The following AGAP1 variants were observed in gnomAD, a reference collection of about 807,000 sequenced individuals.
The protein encoded by AGAP1 is ArfGAP with GTPase domain, ankyrin repeat and PH domain 1.
Under a neutral mutation model 105.3 loss-of-function variants are expected in AGAP1, and 29 were observed. The observed-to-expected ratio is 0.28, with a 90% CI of 0.21 to 0.38. AGAP1 has a LOEUF of 0.38. AGAP1 is among the 10% of genes least tolerant of loss of function. The pLI is 1.00. For missense variants in AGAP1, 998 were observed against 1,165.1 expected, an observed-to-expected ratio of 0.86 and a Z score of 2.09; for synonymous variants, 509 against 485.9, an observed-to-expected ratio of 1.05 and a Z score of -0.63.
In AGAP1 at chr2:236,104,440, C is replaced by T. The variant is rs905135481; in HGVS notation, c.2115-15752C>T. ...TCCCCAACAGGGGTGGATCCTGCCC[C>T]TCGACCAGCACCTGTGCTGTCTGCC... On this transcript the variant is annotated intron_variant, in intron 16 of 17. Transcript: ENST00000304032. The surrounding 1 kb of genome is among the most constrained non-coding windows in gnomAD (Gnocchi z 4.7). 1.3e-5 allele frequency among the ~76,000 whole-genome samples: 2 copies of T among 152,374 alleles called. No homozygotes were observed. The highest frequency in any genetic ancestry group is 1.9e-4 in the East Asian group (1 of 5,172).
chr2:235,615,405 C>G lies in AGAP1; in HGVS notation c.164-93774C>G, dbSNP rs538608724. Among the ~76,000 whole-genome samples the G allele has an allele frequency of 2.4e-4, 36 of 152,272 alleles. No individual in the cohort carries two copies. The highest frequency in any genetic ancestry group is 8.7e-4 in the African/African-American group (36 of 41,554). On this transcript the variant is annotated intron_variant, in intron 1 of 17. Coordinates refer to ENST00000304032, the MANE Select transcript of AGAP1 (RefSeq NM_001037131.3). This position sits in a 1 kb window ranked among gnomAD's most constrained non-coding sequence, Gnocchi z 5.0. ...CATATGACCAAAAGTTGGAATGATC[C>G]CATTCTTTACTCACAGCCTGAGCTA...
At chr2:236,091,034 G>A (rs757930528) in intron 16 of AGAP1, among the ~76,000 whole-genome samples, 28 of 152,332 alleles carry the variant, frequency 1.8e-4, no homozygotes, top group Middle Eastern at 3.4e-3. Context: ...CCACCGCACC[G>A]GCCGTAATCG....
chr2:235,775,436 G>A (rs373111698), intron 6 of AGAP1, among the ~76,000 whole-genome samples: 3 of 152,284 alleles, frequency 2.0e-5, no homozygotes, highest in East Asian at 1.9e-4. Context: ...TTTCCAGGAC[G>A]AGTTACCATA....
At chr2:236,069,285 G>A (rs571218815) in intron 16 of AGAP1, among the ~76,000 whole-genome samples, 9 of 151,994 alleles carry the variant, frequency 5.9e-5, no homozygotes, top group Non-Finnish European at 8.8e-5. Flanking sequence ...ATATACATAC[G>A]TTATGATGTA....
Position 235,655,973 on chromosome 2 carries a change from A to G in AGAP1, c.164-53206A>G, listed in dbSNP as rs139651143. Among the ~76,000 whole-genome samples the G allele has an allele frequency of 2.8e-3, 432 of 152,320 alleles. 1 individual carries two copies. The highest frequency in any genetic ancestry group is 1.0e-2 in the African/African-American group (414 of 41,568). On this transcript the variant is annotated intron_variant, in intron 1 of 17. Coordinates refer to ENST00000304032, the MANE Select transcript of AGAP1 (RefSeq NM_001037131.3). This position sits in a 1 kb window ranked among gnomAD's most constrained non-coding sequence, Gnocchi z 4.3. ...GCTCCGATACTTCCAATAAGTAACT[A>G]GCAGGGCTGTACACACTCTACCAGG...
In AGAP1 at chr2:236,005,095, C is replaced by G. The variant is rs1268021137; in HGVS notation, c.1646-31466C>G. The stretch of plus-strand genomic sequence containing the variant: ...TAGGTTATTCCCATAGGCTTCCCAC[C>G]ACTTCCCCCTGACAAGTTTCCCATG... On this transcript the variant is annotated intron_variant, in intron 13 of 17. Coordinates refer to ENST00000304032, the MANE Select transcript of AGAP1 (RefSeq NM_001037131.3). The surrounding 1 kb of genome is among the most constrained non-coding windows in gnomAD (Gnocchi z 4.1). Among the ~76,000 whole-genome samples the G allele has an allele frequency of 1.3e-5, 2 of 151,936 alleles. No homozygotes were observed. Among genetic ancestry groups the G allele is most frequent in the African/African-American group, 4.8e-5 (2 of 41,346 alleles).
Position 235,993,366 on chromosome 2 carries a change from G to A in AGAP1, c.1645+24743G>A, listed in dbSNP as rs2055656133. On this transcript the variant is annotated intron_variant, in intron 13 of 17. Coordinates refer to ENST00000304032, the MANE Select transcript of AGAP1 (RefSeq NM_001037131.3). This position sits in a 1 kb window ranked among gnomAD's most constrained non-coding sequence, Gnocchi z 5.0. ...CCCTTCGACTAGGCTGGAAGCCCAA[G>A]AAGGCAGGAGACTCGTCTCAGATAT... 6.6e-6 allele frequency among the ~76,000 whole-genome samples: 1 copy of A among 152,212 alleles called. No homozygotes were observed. The highest frequency in any genetic ancestry group is 2.1e-4 in the South Asian group (1 of 4,828).
At chr2:235,937,398 G>C (rs4663220) in intron 12 of AGAP1, among the ~76,000 whole-genome samples, 3 of 151,992 alleles carry the variant, frequency 2.0e-5, no homozygotes, top group Non-Finnish European at 4.4e-5. Flanking sequence ...TCAGAATGTT[G>C]TAACTTTGTA....
rs1049404863 is a variant in AGAP1, at chr2:235,555,252, ATGCACAGAACC to A, written c.163+60407_163+60417del. ...CTTGCCGCTCCCACCCACTTCTGTG[ATGCACAGAACC>A]TGCCGCCCTGCCCTGTCTCTTTGTG... On this transcript the variant is annotated intron_variant, in intron 1 of 17. Coordinates refer to ENST00000304032, the MANE Select transcript of AGAP1 (RefSeq NM_001037131.3). The surrounding 1 kb of genome is among the most constrained non-coding windows in gnomAD (Gnocchi z 5.1). 6.6e-5 allele frequency among the ~76,000 whole-genome samples: 10 copies of A among 152,220 alleles called. No homozygotes were observed. The highest frequency in any genetic ancestry group is 8.8e-5 in the Non-Finnish European group (6 of 68,018).
chr2:235,855,379 T>A lies in AGAP1; in HGVS notation c.1051-27966T>A, dbSNP rs944631556. 2.0e-5 allele frequency among the ~76,000 whole-genome samples: 3 copies of A among 152,254 alleles called. No individual in the cohort carries two copies. The highest frequency in any genetic ancestry group is 7.2e-5 in the African/African-American group (3 of 41,474). On this transcript the variant is annotated intron_variant, in intron 9 of 17. Coordinates refer to ENST00000304032, the MANE Select transcript of AGAP1 (RefSeq NM_001037131.3). This position sits in a 1 kb window ranked among gnomAD's most constrained non-coding sequence, Gnocchi z 5.0. The stretch of plus-strand genomic sequence containing the variant: ...CAAAGCTAAAAGTCAACTGAAATTC[T>A]AAGCTCTCTTTGCTATACTACATTT...
At chr2:235,808,889 T>G (rs982585148) in intron 9 of AGAP1, among the ~76,000 whole-genome samples, 2 of 152,216 alleles carry the variant, frequency 1.3e-5, no homozygotes, top group African/African-American at 2.4e-5. Flanking sequence ...ACATAGTTGC[T>G]TATTCTTTCT....
intron 1 of AGAP1, among the ~76,000 whole-genome samples, chr2:235,648,746 G>T (rs920295284): frequency 6.6e-6 from 1 of 150,860 alleles, no homozygotes; most frequent in African/African-American, 2.4e-5. Context: ...CATTAGCTGG[G>T]CATGGTGGCA....
At position 235,807,242 on chromosome 2, in the gene AGAP1, C is replaced by G. The variant is rs769367969; in HGVS notation, c.961C>G (p.Arg321Gly). The G allele has an allele frequency of 1.2e-6, 2 of 1,610,564 alleles. No individual in the cohort carries two copies. The highest frequency in any genetic ancestry group is 1.3e-5 in the African/African-American group (1 of 74,462). ...CAACTTTCCTTTTGCTTTGCAGTCT[C>G]GGAAAGGGAGCGACCCAGACAAAGA... ...SKRRSNLFTS[R>G]KGSDPDKEKK... The change falls in exon 9 of 18, where the codon CGG becomes GGG. Residue 321 changes from arginine (R) to glycine (G), a missense_variant. By Grantham distance (125) the Arg-to-Gly change is moderately radical. Transcript: ENST00000304032.
At chr2:236,028,596 T>G (rs1467734595) in intron 13 of AGAP1, among the ~76,000 whole-genome samples, 1 of 152,224 alleles carries the variant, frequency 6.6e-6, no homozygotes, top group Non-Finnish European at 1.5e-5. Context: ...CCAACTGCTG[T>G]TATGATTTTT....
intron 1 of AGAP1, among the ~76,000 whole-genome samples, chr2:235,674,082 A>C (rs571275439): frequency 6.6e-6 from 1 of 152,320 alleles, no homozygotes; most frequent in Admixed American, 6.5e-5. Context: ...TGGAGCACCT[A>C]CCTTTTGTAG....
intron 1 of AGAP1, among the ~76,000 whole-genome samples, chr2:235,581,731 G>A (rs1944940518): frequency 6.6e-6 from 1 of 152,108 alleles, no homozygotes; most frequent in Non-Finnish European, 1.5e-5. Flanking sequence ...CTTGAACCCG[G>A]AAAGTGGAGG....
At chr2:236,100,288 G>GA (rs775688694) in intron 16 of AGAP1, among the ~76,000 whole-genome samples, 81 of 152,274 alleles carry the variant, frequency 5.3e-4, no homozygotes, top group Non-Finnish European at 1.1e-3. Flanking sequence ...GTCGATGGTA[G>GA]AAAATAAAAC....
At chr2:235,847,010 G>T (rs1186002302) in intron 9 of AGAP1, among the ~76,000 whole-genome samples, 2 of 152,330 alleles carry the variant, frequency 1.3e-5, no homozygotes, top group East Asian at 3.9e-4. Flanking sequence ...TGCTTGACAT[G>T]TCCCAGGTTC....
At chr2:235,805,255 A>T (rs1444110768) in intron 8 of AGAP1, among the ~76,000 whole-genome samples, 1 of 152,038 alleles carries the variant, frequency 6.6e-6, no homozygotes, top group African/African-American at 2.4e-5. Flanking sequence ...TTTATCTCAG[A>T]GTGTGTGATC....
Sources: allele counts gnomAD v4.1 joint callset (sites outside exome capture counted in the v4.1 genomes callset), GRCh38; gene constraint gnomAD v4.1.1; non-coding constraint Gnocchi (gnomAD v3.1); transcripts MANE v1.5; gene names NCBI Gene and HGNC (gene_info 2026-07-23, HGNC 2026-07-21).